GNAO1: variants seen among roughly 807,000 people sequenced by gnomAD.
GNAO1 encodes the protein guanine nucleotide-binding protein G(o) subunit alpha.
For missense variants in GNAO1, 166 were observed against 478.7 expected (o/e 0.35, Z 6.10); for synonymous variants, 164 against 180.7 (o/e 0.91, Z 0.74).
At chr16:56,208,419 ATGTGTGTGTG>A (rs35244461) in intron 2 of GNAO1, among the ~76,000 whole-genome samples, 3 of 148,836 alleles carry the variant, frequency 2.0e-5, no homozygotes, top group South Asian at 2.1e-4. Flanking sequence ...GCTGCTATCA[ATGTGTGTGTG>A]TGTGTGTGTG....
Position 56,311,536 on chromosome 16 carries a change from A to G in GNAO1, c.304-17095A>G, listed in dbSNP as rs1249803254. Among the ~76,000 whole-genome samples, 1 of 152,158 alleles carries G rather than the reference A, an allele frequency of 6.6e-6. No homozygotes were observed. The highest frequency in any genetic ancestry group is 1.5e-5 in the Non-Finnish European group (1 of 68,016). On this transcript the variant is annotated intron_variant, in intron 3 of 8. Coordinates refer to ENST00000262493, the MANE Select transcript of GNAO1 (RefSeq NM_020988.3). This position sits in a 1 kb window ranked among gnomAD's most constrained non-coding sequence, Gnocchi z 5.2. ...CACCCTGATCCCAGACCTCAGAGAAAAACTGTTGGGGTGATGGCGCCTTGG... is the reference window on the plus strand; with the variant it reads ...CACCCTGATCCCAGACCTCAGAGAAGAACTGTTGGGGTGATGGCGCCTTGG...
chr16:56,255,113 G>A (rs2143465858), intron 2 of GNAO1, among the ~76,000 whole-genome samples: 1 of 152,252 alleles, frequency 6.6e-6, no homozygotes, highest in East Asian at 1.9e-4. Flanking sequence ...TGAGCTGTTG[G>A]TGGAATTTCC....
At position 56,192,057 on chromosome 16, in the gene GNAO1, T is replaced by G; in HGVS notation, c.-179T>G. 1.7e-6 allele frequency: 1 copy of G among 590,570 alleles called. No homozygotes were observed. Among genetic ancestry groups the G allele is most frequent in the Non-Finnish European group, 3.0e-6 (1 of 331,904 alleles). 36.6% of individuals were successfully genotyped at this position (590,570 alleles called of 1,614,324 possible). ...CGAGTCTCCGCTGCTGGAATCTTGTTAGCGGCTGTCTTTTTGGAGGGTTCT... is the reference window on the plus strand; with the variant it reads ...CGAGTCTCCGCTGCTGGAATCTTGTGAGCGGCTGTCTTTTTGGAGGGTTCT... On this transcript the variant is annotated 5_prime_UTR_variant, in exon 1 of 9. Transcript: ENST00000262493.
At chr16:56,211,678 C>T (rs536304034) in intron 2 of GNAO1, among the ~76,000 whole-genome samples, 26 of 152,278 alleles carry the variant, frequency 1.7e-4, no homozygotes, top group African/African-American at 5.3e-4. Flanking sequence ...GTTTCAGTCG[C>T]GACTTGAAAA....
intron 2 of GNAO1, among the ~76,000 whole-genome samples, chr16:56,245,925 G>T (rs1363825515): frequency 1.3e-5 from 2 of 151,720 alleles, no homozygotes; most frequent in African/African-American, 4.8e-5. Context: ...TTCAGATTGG[G>T]TGTGTAGGGG....
In GNAO1 at chr16:56,247,319, C is replaced by CA. The variant is rs544944173; in HGVS notation, c.162-28611dup. Among the ~76,000 whole-genome samples, 389 of 152,318 alleles carry CA rather than the reference C, an allele frequency of 2.6e-3. 1 individual carries two copies. The highest frequency in any genetic ancestry group is 4.3e-3 in the Non-Finnish European group (290 of 68,034). ...GTCCCATGTCTCTGCCTGTCACACCCACCTTTCCTTCTAGGCCGCAAAATG... is the reference window on the plus strand; with the variant it reads ...GTCCCATGTCTCTGCCTGTCACACCCAACCTTTCCTTCTAGGCCGCAAAATG... On this transcript the variant is annotated intron_variant, in intron 2 of 8. Coordinates refer to ENST00000262493, the MANE Select transcript of GNAO1 (RefSeq NM_020988.3).
chr16:56,302,849 C>G (rs2037358425), intron 3 of GNAO1: 1 of 152,256 alleles, frequency 6.6e-6, no homozygotes, highest in African/African-American at 2.4e-5. Flanking sequence ...TTTCCCTTCT[C>G]TTACATGTTC....
At chr16:56,286,205 C>T (rs1382285203) in intron 3 of GNAO1, among the ~76,000 whole-genome samples, 1 of 152,172 alleles carries the variant, frequency 6.6e-6, no homozygotes, top group South Asian at 2.1e-4. Context: ...CACACATCTG[C>T]ACACACGCTC....
chr16:56,218,814 A>G (rs58561027), intron 2 of GNAO1, among the ~76,000 whole-genome samples: 21,659 of 152,032 alleles, frequency 0.14, 2,078 homozygotes, highest in African/African-American at 0.27. Flanking sequence ...GCCAAAGGCT[A>G]CTCACAGCCC....
intron 3 of GNAO1, among the ~76,000 whole-genome samples, chr16:56,322,928 A>G (rs1283659549): frequency 7.9e-5 from 12 of 152,128 alleles, no homozygotes; most frequent in Non-Finnish European, 1.0e-4. Flanking sequence ...CTCTCTACCA[A>G]GCACGGTGTG....
At chr16:56,298,027 C>A (rs1454871653) in intron 3 of GNAO1, among the ~76,000 whole-genome samples, 1 of 151,994 alleles carries the variant, frequency 6.6e-6, no homozygotes, top group African/African-American at 2.4e-5. Flanking sequence ...AAAAAATTAG[C>A]CAGCCATGGT....
intron 6 of GNAO1, chr16:56,345,314 G>A (rs1309311435): frequency 2.0e-6 from 2 of 985,330 alleles, no homozygotes; most frequent in African/African-American, 1.7e-5. Context: ...AGGGAGGAGG[G>A]TACCCACTGA....
At chr16:56,219,285 A>T (rs566418447) in intron 2 of GNAO1, among the ~76,000 whole-genome samples, 151 of 152,102 alleles carry the variant, frequency 9.9e-4, no homozygotes, top group Non-Finnish European at 1.7e-3. Flanking sequence ...GCCTTCTTGG[A>T]GCTCCAAAGA....
intron 3 of GNAO1, among the ~76,000 whole-genome samples, chr16:56,323,692 A>G (rs1262846542): frequency 4.6e-5 from 7 of 151,434 alleles, no homozygotes; most frequent in Non-Finnish European, 1.0e-4. Flanking sequence ...TTTTAGTTGG[A>G]TATCAGTGTG....
At chr16:56,346,352 C>T (rs1345770870) in intron 6 of GNAO1, 14 of 985,246 alleles carry the variant, frequency 1.4e-5, no homozygotes, top group Non-Finnish European at 1.7e-5. Context: ...AGTGGTCCTG[C>T]GTGTGCCCTG....
At chr16:56,209,038 G>T (rs1262448047) in intron 2 of GNAO1, among the ~76,000 whole-genome samples, 1 of 151,856 alleles carries the variant, frequency 6.6e-6, no homozygotes, top group Non-Finnish European at 1.5e-5. Context: ...TTTTGTGTGT[G>T]TCCTATTTAA....
At chr16:56,306,290 G>A (rs1052409765) in intron 3 of GNAO1, among the ~76,000 whole-genome samples, 3 of 152,176 alleles carry the variant, frequency 2.0e-5, no homozygotes, top group Admixed American at 6.5e-5. Context: ...AATCTTCAGC[G>A]GCCCACACTC....
intron 3 of GNAO1, among the ~76,000 whole-genome samples, chr16:56,301,404 A>G (rs1263072162): frequency 6.6e-6 from 1 of 152,202 alleles, no homozygotes; most frequent in Non-Finnish European, 1.5e-5. Context: ...AGAAAGATCT[A>G]GACTCAAACC....
At chr16:56,235,428 A>G (rs1429472416) in intron 2 of GNAO1, 4 of 455,820 alleles carry the variant, frequency 8.8e-6, no homozygotes, top group Admixed American at 4.7e-5. Context: ...GACACTACGC[A>G]GTCCAGGCAA....
Sources: gnomAD v4.1 joint callset for allele counts (sites outside exome capture counted in the v4.1 genomes callset) on GRCh38, gnomAD v4.1.1 for gene constraint, Gnocchi (gnomAD v3.1) non-coding constraint, MANE v1.5 for transcripts, NCBI Gene and HGNC (gene_info 2026-07-23, HGNC 2026-07-21) for gene names.